MORN5: variants seen among roughly 807,000 people sequenced by gnomAD.
MORN5 encodes the protein MORN repeat-containing protein 5.
In MORN5, 21 loss-of-function variants were observed where a neutral mutation model predicts 22.1. The ratio of observed to expected loss-of-function variants is 0.95; its 90% CI spans 0.67 to 1.37. MORN5 has a LOEUF of 1.37. Ranked by LOEUF, MORN5 falls within the 40% of genes most tolerant of loss-of-function variation. MORN5 has a pLI of 0.00. For synonymous variants in MORN5, 73 were observed against 74.0 expected, an observed-to-expected ratio of 0.99 and a Z score of 0.07; for missense variants, 211 against 215.1, an observed-to-expected ratio of 0.98 and a Z score of 0.12.
At chr9:122,187,439 C>T (rs2118777013) in intron 4 of MORN5, among the ~76,000 whole-genome samples, 1 of 152,300 alleles carries the variant, frequency 6.6e-6, no homozygotes, top group Admixed American at 6.5e-5. Flanking sequence ...CCCCTAAGCT[C>T]CCCCTAGACA....
intron 2 of MORN5, among the ~76,000 whole-genome samples, 173 bp from the exon 3 acceptor site, chr9:122,169,472 A>G (rs1829335583): frequency 6.6e-6 from 1 of 152,206 alleles, no homozygotes; most frequent in Non-Finnish European, 1.5e-5. Context: ...CGGCAGGGAC[A>G]GGGCTCGGCA....
At chr9:122,172,916 A>G (rs1227659539) in intron 3 of MORN5, among the ~76,000 whole-genome samples, 1 of 152,146 alleles carries the variant, frequency 6.6e-6, no homozygotes, top group East Asian at 1.9e-4. Context: ...AGAGGACATC[A>G]TCTCTCCCTT....
chr9:122,199,305 C>A (rs1009562835), intron 4 of MORN5, among the ~76,000 whole-genome samples: 2 of 152,170 alleles, frequency 1.3e-5, no homozygotes, highest in African/African-American at 2.4e-5. Flanking sequence ...TTGCCCATTG[C>A]GTGGTTGGTC....
intron 4 of MORN5, among the ~76,000 whole-genome samples, chr9:122,180,467 G>C (rs1378976272): frequency 6.6e-6 from 1 of 151,916 alleles, no homozygotes; most frequent in African/African-American, 2.4e-5. Context: ...TGTATTTTTA[G>C]TAGAGATGGG....
chr9:122,192,007 C>G (rs1175862179), intron 4 of MORN5, among the ~76,000 whole-genome samples: 1 of 152,230 alleles, frequency 6.6e-6, no homozygotes, highest in African/African-American at 2.4e-5. Flanking sequence ...TTCCTGGGTG[C>G]CCACCAAGGG....
In MORN5 at chr9:122,200,046, C is replaced by G. The variant is rs1257332123; in HGVS notation, c.*115C>G. The G allele has an allele frequency of 1.0e-6, 1 of 1,001,680 alleles. No homozygotes were observed. The highest frequency in any genetic ancestry group is 1.6e-5 in the African/African-American group (1 of 62,450). 62.0% of individuals were successfully genotyped at this position (1,001,680 alleles called of 1,614,324 possible). A position where few individuals can be genotyped will look rare whatever the true frequency, so the allele number is the denominator to read the frequency against. On this transcript the variant is annotated 3_prime_UTR_variant, in exon 5 of 5. Coordinates refer to ENST00000373764, the MANE Select transcript of MORN5 (RefSeq NM_198469.4). The stretch of plus-strand genomic sequence containing the variant: ...TGGGGGACGGGCTGTAGTTCTAGAA[C>G]CTGATTTTAACTCAGGAATAAAGAC...
At chr9:122,183,324 A>T (rs1829564553) in intron 4 of MORN5, among the ~76,000 whole-genome samples, 1 of 152,170 alleles carries the variant, frequency 6.6e-6, no homozygotes, top group South Asian at 2.1e-4. Context: ...GGCAGTTTGT[A>T]TGAGTATCTC....
intron 4 of MORN5, among the ~76,000 whole-genome samples, chr9:122,181,155 C>G (rs762155662): frequency 2.6e-5 from 4 of 152,224 alleles, no homozygotes; most frequent in Non-Finnish European, 2.9e-5. Context: ...CAGGACAAAT[C>G]TGGTTGCAGT....
intron 1 of MORN5, among the ~76,000 whole-genome samples, chr9:122,160,747 T>A (rs143023119): frequency 6.6e-6 from 1 of 152,098 alleles, no homozygotes; most frequent in East Asian, 1.9e-4. Flanking sequence ...CCCAAGTAGC[T>A]GAGACTACCG....
At position 122,169,747 on chromosome 9, in the gene MORN5, A is replaced by G; in HGVS notation, c.298A>G (p.Lys100Glu). The G allele has an allele frequency of 6.2e-7, 1 of 1,611,526 alleles. No individual in the cohort carries two copies. Among genetic ancestry groups the G allele is most frequent in the Non-Finnish European group, 8.5e-7 (1 of 1,177,570 alleles). ...TTACACAGAGATCCTCAATGGCTTG[A>G]AGCCTGCAGGTACCCAGGCACCCAC... ...RFYTEILNGL[K>E]PAGMAQLTNM... Residue 100 changes from lysine to glutamate, a missense_variant, in exon 3 of 5, where the codon AAG becomes GAG. Transcript: ENST00000373764.
intron 4 of MORN5, among the ~76,000 whole-genome samples, chr9:122,195,968 A>ATATTTATTTATTTATTTATT (rs55879917): frequency 0.12 from 18,083 of 147,466 alleles, 1,432 homozygotes; most frequent in African/African-American, 0.2. Context: ...ATTTTGTTTT[A>ATATTTATTTATTTATTTATT]TATTTATTTA....
At position 122,197,945 on chromosome 9, in the gene MORN5, T is replaced by C. The variant is rs1054529732; in HGVS notation, c.440-1940T>C. Among the ~76,000 whole-genome samples the C allele has an allele frequency of 6.6e-6, 1 of 152,326 alleles. No homozygotes were observed. Among genetic ancestry groups the C allele is most frequent in the Admixed American group, 6.5e-5 (1 of 15,300 alleles). ...AGGAAACTGAGGCTCACTGGCTGCT[T>C]GCCAGAGTGTGCCAGGCAGCAAGCC... On this transcript the variant is annotated intron_variant, in intron 4 of 4. Coordinates refer to ENST00000373764, the MANE Select transcript of MORN5 (RefSeq NM_198469.4). The surrounding 1 kb of genome is among the most constrained non-coding windows in gnomAD (Gnocchi z 5.7).
chr9:122,166,294 A>ATATATATATATATATATATATATAT (rs200859903), intron 1 of MORN5, among the ~76,000 whole-genome samples: 1 of 151,712 alleles, frequency 6.6e-6, no homozygotes, highest in African/African-American at 2.4e-5. Flanking sequence ...ATATATATAT[A>ATATATATATATATATATATATATAT]ATGGTGGTAA....
At chr9:122,199,762 A>G (rs923417371) in intron 4 of MORN5, 123 bp from the exon 5 acceptor site, 3 of 875,460 alleles carry the variant, frequency 3.4e-6, no homozygotes, top group Non-Finnish European at 5.8e-6. Context: ...TCCCCACACA[A>G]AACTACACAG....
chr9:122,191,761 C>T (rs754145699), intron 4 of MORN5, among the ~76,000 whole-genome samples: 11 of 152,254 alleles, frequency 7.2e-5, no homozygotes, highest in Non-Finnish European at 1.5e-4. Flanking sequence ...TCCCTGGGCT[C>T]GCCTGCCCTG....
chr9:122,162,301 G>T (rs1192534454), intron 1 of MORN5, among the ~76,000 whole-genome samples: 1 of 152,066 alleles, frequency 6.6e-6, no homozygotes, highest in Non-Finnish European at 1.5e-5. Context: ...TTTTCCTCTT[G>T]GAGTTTAAAT....
chr9:122,192,630 C>T (rs993486814), intron 4 of MORN5, among the ~76,000 whole-genome samples: 5 of 152,220 alleles, frequency 3.3e-5, no homozygotes. Context: ...AGGTCAGCTC[C>T]TCCCTGCCTT....
At chr9:122,188,666 T>G (rs994149987) in intron 4 of MORN5, among the ~76,000 whole-genome samples, 8 of 152,318 alleles carry the variant, frequency 5.3e-5, no homozygotes, top group African/African-American at 1.9e-4. Flanking sequence ...GGACAGCAGC[T>G]AGGCATCATG....
At chr9:122,182,927 C>T (rs1829558513) in intron 4 of MORN5, among the ~76,000 whole-genome samples, 2 of 152,210 alleles carry the variant, frequency 1.3e-5, no homozygotes, top group South Asian at 4.1e-4. Flanking sequence ...TTCCCAAAGC[C>T]TGTCCTTTTC....
Sources: allele counts gnomAD v4.1 joint callset (sites outside exome capture counted in the v4.1 genomes callset), GRCh38; gene constraint gnomAD v4.1.1; non-coding constraint Gnocchi (gnomAD v3.1); transcripts MANE v1.5; gene names NCBI Gene and HGNC (gene_info 2026-07-23, HGNC 2026-07-21).